Variants in ULK4 observed in about 807,000 individuals in gnomAD.
ULK4 encodes unc-51 like kinase 4.
A neutral mutation model predicts 160.6 loss-of-function variants in ULK4; 133 were observed. That is an observed-to-expected ratio of 0.83 (90% CI 0.72 to 0.96). ULK4 has a LOEUF of 0.96. Among genes scored for constraint, ULK4 ranks in the 40% least tolerant of loss-of-function variants. The pLI is 0.00. For synonymous variants in ULK4, 534 were observed against 539.8 expected (o/e 0.99, Z 0.15); for missense variants, 1,580 against 1,499.5 (o/e 1.05, Z -0.89).
chr3:41,825,263 C>T (rs1169496558), intron 18 of ULK4, among the ~76,000 whole-genome samples: 1 of 152,194 alleles, frequency 6.6e-6, no homozygotes, highest in East Asian at 1.9e-4. Flanking sequence ...ACCTCTCCTC[C>T]TCCAAAGGAA....
chr3:41,846,833 T>C (rs1441147189), intron 17 of ULK4, among the ~76,000 whole-genome samples: 1 of 150,766 alleles, frequency 6.6e-6, no homozygotes, highest in Non-Finnish European at 1.5e-5. Context: ...AATCTTACCA[T>C]TGAAACTAAA....
chr3:41,364,739 A>C (rs955180823), intron 35 of ULK4, among the ~76,000 whole-genome samples: 1 of 152,214 alleles, frequency 6.6e-6, no homozygotes, highest in Non-Finnish European at 1.5e-5. Context: ...TTGGAGTTCC[A>C]GTCCTCTTTC....
At chr3:41,734,605 A>T (rs1199067375) in intron 22 of ULK4, among the ~76,000 whole-genome samples, 2 of 152,218 alleles carry the variant, frequency 1.3e-5, no homozygotes, top group African/African-American at 4.8e-5. Context: ...AGCAAATGAA[A>T]CAGAAAAGTG....
intron 27 of ULK4, among the ~76,000 whole-genome samples, chr3:41,702,980 A>T (rs1272199092): frequency 1.3e-5 from 2 of 151,280 alleles, no homozygotes; most frequent in Non-Finnish European, 2.9e-5. Context: ...CAGCCTCCCG[A>T]GTAGCTGGGA....
intron 22 of ULK4, among the ~76,000 whole-genome samples, chr3:41,718,123 C>T (rs1236964527): frequency 6.6e-6 from 1 of 152,118 alleles, no homozygotes; most frequent in Non-Finnish European, 1.5e-5. Context: ...CAATATTCTC[C>T]AGGTGATAAA....
At chr3:41,757,626 T>C (rs1396412954) in intron 21 of ULK4, among the ~76,000 whole-genome samples, 1 of 105,948 alleles carries the variant, frequency 9.4e-6, no homozygotes, top group Non-Finnish European at 1.7e-5. Flanking sequence ...AGCGAGACTC[T>C]CTCAAAAAAA....
At chr3:41,771,122 T>C (rs1290112955) in intron 21 of ULK4, among the ~76,000 whole-genome samples, 1 of 152,188 alleles carries the variant, frequency 6.6e-6, no homozygotes, top group African/African-American at 2.4e-5. Flanking sequence ...GCTCACTCCA[T>C]CAAGTAGTAA....
chr3:41,948,072 C>T (rs1430667140), intron 2 of ULK4, among the ~76,000 whole-genome samples: 1 of 152,164 alleles, frequency 6.6e-6, no homozygotes, highest in Non-Finnish European at 1.5e-5. Flanking sequence ...CAACTCTCTT[C>T]CAGTTCTGGG....
At chr3:41,814,982 C>A (rs897260917) in intron 19 of ULK4, among the ~76,000 whole-genome samples, 1 of 144,634 alleles carries the variant, frequency 6.9e-6, no homozygotes, top group Non-Finnish European at 1.5e-5. Context: ...GATCTCAACT[C>A]ACTGCAACCT....
chr3:41,927,444 G>A (rs140379686), intron 5 of ULK4, among the ~76,000 whole-genome samples: 4,460 of 152,010 alleles, frequency 0.029, 205 homozygotes, highest in African/African-American at 0.1. Flanking sequence ...ACCAACTAAC[G>A]GGCAAAATAA....
intron 22 of ULK4, among the ~76,000 whole-genome samples, chr3:41,733,757 C>CA (rs1219415979): frequency 1.1e-5 from 1 of 91,382 alleles, no homozygotes; most frequent in African/African-American, 7.2e-5. Flanking sequence ...TTTTTTTAGA[C>CA]AGAGTCTCAT....
At chr3:41,319,426 T>A (rs2080208192) in intron 35 of ULK4, among the ~76,000 whole-genome samples, 1 of 152,208 alleles carries the variant, frequency 6.6e-6, no homozygotes, top group African/African-American at 2.4e-5. Context: ...TCATCAAGAA[T>A]TAGCCAAGTG....
rs140357349 is a variant in ULK4, at chr3:41,836,507, T to C, written c.1657-536A>G. 4.0e-3 allele frequency among the ~76,000 whole-genome samples: 602 copies of C among 152,218 alleles called. 4 individuals carry two copies. Among genetic ancestry groups the C allele is most frequent in the African/African-American group, 0.014 (569 of 41,538 alleles). Reference sequence around the variant, plus strand: ...TTATAAAGCACTTCCACCGTATCACTAATCCTGAGAGGCAATTAATTGCTG... The same window carrying C: ...TTATAAAGCACTTCCACCGTATCACCAATCCTGAGAGGCAATTAATTGCTG... On this transcript the variant is annotated intron_variant, in intron 17 of 36. Coordinates refer to ENST00000301831, the MANE Select transcript of ULK4 (RefSeq NM_017886.4).
intron 31 of ULK4, among the ~76,000 whole-genome samples, chr3:41,569,471 A>G (rs2087896853): frequency 6.6e-6 from 1 of 152,142 alleles, no homozygotes; most frequent in South Asian, 2.1e-4. Flanking sequence ...GATCAAATAC[A>G]TACTTCACAG....
intron 32 of ULK4, among the ~76,000 whole-genome samples, chr3:41,491,273 T>C (rs2084752021): frequency 6.6e-6 from 1 of 152,124 alleles, no homozygotes; most frequent in Admixed American, 6.5e-5. Flanking sequence ...ATAGTCAACA[T>C]GTTATTCAAT....
intron 34 of ULK4, among the ~76,000 whole-genome samples, chr3:41,427,279 C>A (rs1437980844): frequency 1.3e-5 from 2 of 152,074 alleles, no homozygotes; most frequent in African/African-American, 4.8e-5. Flanking sequence ...AAATAGCCTA[C>A]CAAACAAAAA....
At chr3:41,732,661 T>C (rs1476449856) in intron 22 of ULK4, among the ~76,000 whole-genome samples, 4 of 152,128 alleles carry the variant, frequency 2.6e-5, no homozygotes, top group South Asian at 4.1e-4. Context: ...AAGGAATACA[T>C]GCACTCCCAT....
At chr3:41,527,315 A>C (rs1353393) in intron 32 of ULK4, among the ~76,000 whole-genome samples, 18,742 of 152,272 alleles carry the variant, frequency 0.12, 1,282 homozygotes, top group Admixed American at 0.15. Flanking sequence ...CAAGGGTAGA[A>C]ATTCTGAGAA....
At chr3:41,621,983 T>C (rs2033264261) in intron 30 of ULK4, among the ~76,000 whole-genome samples, 1 of 152,120 alleles carries the variant, frequency 6.6e-6, no homozygotes, top group Non-Finnish European at 1.5e-5. Flanking sequence ...AAAGAAGACA[T>C]TTACGTGGCC....
Sources: allele counts gnomAD v4.1 joint callset (sites outside exome capture counted in the v4.1 genomes callset), GRCh38; gene constraint gnomAD v4.1.1; transcripts MANE v1.5; gene names NCBI Gene and HGNC (gene_info 2026-07-23, HGNC 2026-07-21).